The following DUSP3 variants were observed in gnomAD, a reference collection of about 807,000 sequenced individuals.
The protein encoded by DUSP3 is dual specificity phosphatase 3.
Under a neutral mutation model 15.5 loss-of-function variants are expected in DUSP3, and 7 were observed. That is an observed-to-expected ratio of 0.45 (90% confidence interval 0.26 to 0.85). DUSP3 has a LOEUF of 0.85. Ranked by LOEUF, DUSP3 falls within the 40% of genes least tolerant of loss-of-function variation. DUSP3 has a pLI of 0.18. For synonymous variants in DUSP3, 86 were observed against 104.2 expected, an observed-to-expected ratio of 0.83 and a Z score of 1.07; for missense variants, 209 against 251.7, an observed-to-expected ratio of 0.83 and a Z score of 1.15.
At chr17:43,776,517 G>C (rs943932536) in intron 1 of DUSP3, among the ~76,000 whole-genome samples, 1 of 152,274 alleles carries the variant, frequency 6.6e-6, no homozygotes, top group African/African-American at 2.4e-5. Flanking sequence ...GCTCTGCCTT[G>C]TGAGGACGTG....
rs2154590743 is a variant in DUSP3, at chr17:43,778,784, C to T, written c.125+16G>A. On this transcript the variant is annotated intron_variant, in intron 1 of 2. Transcript: ENST00000226004. ...CCGAGAGGGACGGCGGGGCCGGGCT[C>T]GCGAAAGGGACTCACGCGTTGCCCA... 1 of 1,516,442 alleles carries T rather than the reference C, an allele frequency of 6.6e-7. No individual in the cohort carries two copies. Among genetic ancestry groups the T allele is most frequent in the Non-Finnish European group, 8.8e-7 (1 of 1,132,430 alleles). 93.9% of individuals were successfully genotyped at this position (1,516,442 alleles called of 1,614,324 possible). A position where few individuals can be genotyped will look rare whatever the true frequency, so the allele number is the denominator to read the frequency against.
rs570547606 is a variant in DUSP3, at chr17:43,772,838, G to A, written c.352+1874C>T. Among the ~76,000 whole-genome samples the A allele has an allele frequency of 4.5e-3, 680 of 152,292 alleles. 6 individuals carry two copies. Among genetic ancestry groups the A allele is most frequent in the African/African-American group, 0.016 (649 of 41,556 alleles). On this transcript the variant is annotated intron_variant, in intron 2 of 2. Coordinates refer to ENST00000226004, the MANE Select transcript of DUSP3 (RefSeq NM_004090.4). ...GGAGTTTGCCAGAGGAAGGGGTAGG[G>A]AGAGGCAGAGAGAACTTTTCAGACT...
chr17:43,773,237 C>T (rs1476921800), intron 2 of DUSP3, among the ~76,000 whole-genome samples: 2 of 152,154 alleles, frequency 1.3e-5, no homozygotes, highest in African/African-American at 2.4e-5. Context: ...CTGCTGGGCC[C>T]AAGAGTCATC....
chr17:43,769,892 G>A, intron 2 of DUSP3, 78 bp from the exon 3 acceptor site: 1 of 1,484,088 alleles, frequency 6.7e-7, no homozygotes, highest in South Asian at 1.2e-5. Context: ...CTTCCGTGAA[G>A]TGCCACTTAA....
Position 43,769,380 on chromosome 17 carries a change from G to A in DUSP3, c.*229C>T, listed in dbSNP as rs1248524280. The stretch of plus-strand genomic sequence containing the variant: ...CCATCTCAGGGAAAAGACATCATAA[G>A]TTACAGAAACAGGACAACTGGGGAG... On this transcript the variant is annotated 3_prime_UTR_variant, in exon 3 of 3. Transcript: ENST00000226004. The A allele has an allele frequency of 1.9e-6, 1 of 532,918 alleles. No homozygotes were observed. Among genetic ancestry groups the A allele is most frequent in the African/African-American group, 1.9e-5 (1 of 51,992 alleles). 33.0% of individuals were successfully genotyped at this position (532,918 alleles called of 1,614,324 possible). A position where few individuals can be genotyped will look rare whatever the true frequency, so the allele number is the denominator to read the frequency against.
intron 2 of DUSP3, 150 bp downstream of exon 2, chr17:43,774,562 T>C (rs1022240251): frequency 2.3e-6 from 2 of 856,224 alleles, no homozygotes; most frequent in African/African-American, 1.7e-5. Context: ...GCCAGCCAGG[T>C]GAGCAGAGAG....
intron 2 of DUSP3, among the ~76,000 whole-genome samples, chr17:43,770,121 C>T (rs1389445354): frequency 6.6e-6 from 1 of 152,142 alleles, no homozygotes; most frequent in Non-Finnish European, 1.5e-5. Flanking sequence ...AATCCCACTC[C>T]CAGGCCCAGG....
chr17:43,771,057 A>G (rs1420880746), intron 2 of DUSP3, among the ~76,000 whole-genome samples: 1 of 150,976 alleles, frequency 6.6e-6, no homozygotes, highest in East Asian at 1.9e-4. Flanking sequence ...AATAGACACC[A>G]TCTCTCAATA....
chr17:43,775,922 C>A (rs1974382050), intron 1 of DUSP3, among the ~76,000 whole-genome samples: 1 of 152,060 alleles, frequency 6.6e-6, no homozygotes, highest in Non-Finnish European at 1.5e-5. Flanking sequence ...ACCAGCCTGG[C>A]CAACATGGTG....
In DUSP3 at chr17:43,767,545, T is replaced by C. The variant is rs1297326469; in HGVS notation, c.*2064A>G. On this transcript the variant is annotated 3_prime_UTR_variant, in exon 3 of 3. Transcript: ENST00000226004. ...TCCACCTTATGGAGCTGGACAACCC[T>C]GGGGGCCAGGCCCTTAATCATTCTG... The C allele has an allele frequency of 6.6e-6, 1 of 152,506 alleles. No individual in the cohort carries two copies. The highest frequency in any genetic ancestry group is 2.4e-5 in the African/African-American group (1 of 41,410). 9.4% of individuals were successfully genotyped at this position (152,506 alleles called of 1,614,324 possible). A position where few individuals can be genotyped will look rare whatever the true frequency, so the allele number is the denominator to read the frequency against.
chr17:43,769,205 T>C lies in DUSP3; in HGVS notation c.*404A>G. ...AGTTCCTTTACTAGGGCTCAAGGTG[T>C]TGAGGTCCACACTCAAGAGAGGATT... On this transcript the variant is annotated 3_prime_UTR_variant, in exon 3 of 3. Transcript: ENST00000226004. The C allele has an allele frequency of 4.8e-6, 1 of 210,054 alleles. No homozygotes were observed. The highest frequency in any genetic ancestry group is 8.0e-5 in the South Asian group (1 of 12,526). The allele number at this position is 210,054 out of a possible 1,614,324, so 13.0% of individuals were successfully genotyped here.
Position 43,776,902 on chromosome 17 carries a change from G to A in DUSP3, c.125+1898C>T, listed in dbSNP as rs1335526173. On this transcript the variant is annotated intron_variant, in intron 1 of 2. Transcript: ENST00000226004. ...TCTGTTTATTCCTGCTTAGGACACC[G>A]CGCAAGACTGTGAAGCAGTGGCTGA... is the stretch of plus-strand genomic sequence containing the variant. 6.6e-5 allele frequency among the ~76,000 whole-genome samples: 10 copies of A among 152,170 alleles called. No homozygotes were observed. The South Asian group carries it at 8.3e-4, about 13-fold the overall frequency.
At chr17:43,775,252 T>C (rs1156862273) in intron 1 of DUSP3, among the ~76,000 whole-genome samples, 2 of 152,122 alleles carry the variant, frequency 1.3e-5, no homozygotes, top group Non-Finnish European at 2.9e-5. Flanking sequence ...CTCCCCTCCA[T>C]TCCATTTGGC....
chr17:43,774,935 A>G lies in DUSP3; in HGVS notation c.129T>C (p.Ser43=). The change falls in exon 2 of 3, where the codon TCT becomes TCC. Residue 43 remains serine (S), a synonymous_variant. Coordinates refer to ENST00000226004, the MANE Select transcript of DUSP3 (RefSeq NM_004090.4). ...GCAGCTTGGGGATGTCCTGAGCCAC[A>G]GACCTGGACAGGAGACAGTGGTGGG... ...VTPRIYVGNA[S]VAQDIPKLQK... 2 of 1,614,184 alleles carry G rather than the reference A, an allele frequency of 1.2e-6. No individual in the cohort carries two copies. Among genetic ancestry groups the G allele is most frequent in the South Asian group, 1.1e-5 (1 of 91,082 alleles).
chr17:43,772,410 A>T (rs1974331222), intron 2 of DUSP3, among the ~76,000 whole-genome samples: 1 of 152,146 alleles, frequency 6.6e-6, no homozygotes, highest in South Asian at 2.1e-4. Flanking sequence ...TGCCCAGTGC[A>T]CACAGAGCCT....
rs1267188710 is a variant in DUSP3, at chr17:43,769,958, G to C, written c.353-144C>G. The C allele has an allele frequency of 7.2e-6, 7 of 968,556 alleles. No individual in the cohort carries two copies. In the African/African-American group the frequency reaches 1.2e-4, roughly 16 times the overall value. 60.0% of individuals were successfully genotyped at this position (968,556 alleles called of 1,614,324 possible). A position where few individuals can be genotyped will look rare whatever the true frequency, so the allele number is the denominator to read the frequency against. On this transcript the variant is annotated intron_variant, in intron 2 of 2. Coordinates refer to ENST00000226004, the MANE Select transcript of DUSP3 (RefSeq NM_004090.4). Reference sequence around the variant, plus strand: ...CAGAATGGCTAAAATGAAAAGGATGGAAAACCCAAAGTGCTGGTGAAGATA... The same window carrying C: ...CAGAATGGCTAAAATGAAAAGGATGCAAAACCCAAAGTGCTGGTGAAGATA...
chr17:43,768,349 G>A lies in DUSP3; in HGVS notation c.*1260C>T, dbSNP rs1974266267. On this transcript the variant is annotated 3_prime_UTR_variant, in exon 3 of 3. Coordinates refer to ENST00000226004, the MANE Select transcript of DUSP3 (RefSeq NM_004090.4). Reference sequence around the variant, plus strand: ...TATTCTGGCAAATGTGCATACACATGTGAGGGCTGGTGCATTCCAATATCA... The same window carrying A: ...TATTCTGGCAAATGTGCATACACATATGAGGGCTGGTGCATTCCAATATCA... 1 of 152,196 alleles carries A rather than the reference G, an allele frequency of 6.6e-6. No individual in the cohort carries two copies. Among genetic ancestry groups the A allele is most frequent in the Non-Finnish European group, 1.5e-5 (1 of 68,048 alleles). The allele number at this position is 152,196 out of a possible 1,614,324, so 9.4% of individuals were successfully genotyped here. A position where few individuals can be genotyped will look rare whatever the true frequency, so the allele number is the denominator to read the frequency against.
In DUSP3 at chr17:43,769,771, TG is replaced by T. The variant is rs1567781024; in HGVS notation, c.395del (p.Pro132GlnfsTer3). The T allele has an allele frequency of 6.2e-7, 1 of 1,614,082 alleles. No homozygotes were observed. Among genetic ancestry groups the T allele is most frequent in the Non-Finnish European group, 8.5e-7 (1 of 1,180,018 alleles). Reference protein sequence around the residue: ...VHCREGYSRSPTLVIAYLMMR... With the variant: ...VHCREGYSRSXTLVIAYLMMR... ...TCATGAGGTAGGCGATAACTAGCGT[TG>T]GGGAGCGGCTATAACCTTCCCGGCA... On this transcript the variant is annotated frameshift_variant, in exon 3 of 3. Transcript: ENST00000226004. LOFTEE classifies it high-confidence loss of function.
At chr17:43,778,591 G>T (rs1034130477) in intron 1 of DUSP3, among the ~76,000 whole-genome samples, 2 of 152,134 alleles carry the variant, frequency 1.3e-5, no homozygotes, top group South Asian at 2.1e-4. Flanking sequence ...GAAGGGCCGC[G>T]CCCGGCCAGG....
Sources: allele counts gnomAD v4.1 joint callset (sites outside exome capture counted in the v4.1 genomes callset), GRCh38; gene constraint gnomAD v4.1.1; transcripts MANE v1.5; gene names NCBI Gene and HGNC (gene_info 2026-07-23, HGNC 2026-07-21).